Variants in FAM81A observed in about 807,000 individuals in gnomAD.
FAM81A encodes family with sequence similarity 81 member A, also known as protein FAM81A.
In FAM81A, 19 loss-of-function variants were observed where a neutral mutation model predicts 46.7. The observed-to-expected ratio is 0.41, with a 90% CI of 0.28 to 0.60. The LOEUF is 0.60. Among genes scored for constraint, FAM81A ranks in the 20% least tolerant of loss-of-function variants. The pLI is 0.34. For missense variants in FAM81A, 377 were observed against 453.5 expected (o/e 0.83, Z 1.53); for synonymous variants, 183 against 152.9 (o/e 1.20, Z -1.45).
intron 6 of FAM81A, among the ~76,000 whole-genome samples, chr15:59,513,689 C>A (rs764888728): frequency 3.3e-5 from 5 of 151,960 alleles, no homozygotes; most frequent in Non-Finnish European, 7.4e-5. Flanking sequence ...ATTGTTAGAA[C>A]CAGAAATACC....
In FAM81A at chr15:59,414,240, C is replaced by T. The variant is rs115674953; in HGVS notation, c.-78+11882C>T. ...AAGTGCTGGGATTATAGGTGTGAGC[C>T]ACCACACCTGGCCCACATTCTAATT... is the stretch of plus-strand genomic sequence containing the variant. On this transcript the variant is annotated intron_variant, in intron 2 of 4. Transcript: ENST00000558348. Among the ~76,000 whole-genome samples the T allele has an allele frequency of 4.9e-3, 746 of 152,254 alleles. 4 individuals carry two copies. Among genetic ancestry groups the T allele is most frequent in the African/African-American group, 0.017 (699 of 41,552 alleles).
intron 3 of FAM81A, among the ~76,000 whole-genome samples, chr15:59,490,696 C>T (rs1035070417): frequency 6.6e-6 from 1 of 152,026 alleles, no homozygotes; most frequent in South Asian, 2.1e-4. Flanking sequence ...TTTAGCCTGG[C>T]ATGGTGATGC....
chr15:59,417,845 A>G (rs1163834439), intron 2 of FAM81A, among the ~76,000 whole-genome samples: 2 of 152,090 alleles, frequency 1.3e-5, no homozygotes, highest in African/African-American at 2.4e-5. Context: ...ATATGTATAC[A>G]TGTGCCCTGT....
intron 2 of FAM81A, among the ~76,000 whole-genome samples, chr15:59,433,116 T>A (rs1214413048): frequency 9.2e-6 from 1 of 108,602 alleles, no homozygotes; most frequent in Non-Finnish European, 1.7e-5. Context: ...CGCTCCAGCC[T>A]GGGCACAGAG....
rs1457326807 is a variant in FAM81A, at chr15:59,523,462, C to A, written c.*2084C>A. ...TGAGCTGTCGAGCCACAGTGCAGTT[C>A]TCTTCTCACCAAAGCTCAAATGAGA... On this transcript the variant is annotated 3_prime_UTR_variant, in exon 9 of 9. Transcript: ENST00000288228. 1 of 152,224 alleles carries A rather than the reference C, an allele frequency of 6.6e-6. No homozygotes were observed. The highest frequency in any genetic ancestry group is 1.5e-5 in the Non-Finnish European group (1 of 68,042). The allele number at this position is 152,224 out of a possible 1,614,324, so 9.4% of individuals were successfully genotyped here.
intron 4 of FAM81A, among the ~76,000 whole-genome samples, chr15:59,505,968 T>C (rs776247036): frequency 8.5e-5 from 13 of 152,168 alleles, no homozygotes; most frequent in Non-Finnish European, 1.8e-4. Flanking sequence ...TCCCAATATA[T>C]TGTTAGAAAT....
intron 2 of FAM81A, among the ~76,000 whole-genome samples, chr15:59,416,080 A>G (rs915587237): frequency 3.3e-5 from 5 of 152,238 alleles, no homozygotes; most frequent in Non-Finnish European, 1.5e-5. Flanking sequence ...AAAGAGCACT[A>G]TAATGAATCC....
intron 8 of FAM81A, 139 bp downstream of exon 8, chr15:59,516,979 C>G (rs2082274416): frequency 1.2e-6 from 1 of 825,366 alleles, no homozygotes; most frequent in South Asian, 2.2e-5. Context: ...TTCTGAGTAG[C>G]TGTGCTGTAT....
At chr15:59,517,558 G>A (rs1243723843) in intron 8 of FAM81A, among the ~76,000 whole-genome samples, 1 of 152,178 alleles carries the variant, frequency 6.6e-6, no homozygotes, top group Non-Finnish European at 1.5e-5. Flanking sequence ...AGTGTGAGAA[G>A]TGGAACTAAA....
At chr15:59,497,067 C>A (rs954248944) in intron 4 of FAM81A, among the ~76,000 whole-genome samples, 1 of 150,950 alleles carries the variant, frequency 6.6e-6, no homozygotes, top group Non-Finnish European at 1.5e-5. Context: ...TGCAGTGAGC[C>A]GGGATTGTGC....
At chr15:59,439,125 T>C (rs1358676072) in intron 1 of FAM81A, 1 of 152,040 alleles carries the variant, frequency 6.6e-6, no homozygotes, top group Non-Finnish European at 1.5e-5. Context: ...TGTGTGTGTG[T>C]GCGTGTGTGC....
intron 4 of FAM81A, among the ~76,000 whole-genome samples, chr15:59,496,941 C>T (rs1053289105): frequency 1.3e-4 from 20 of 151,862 alleles, no homozygotes; most frequent in African/African-American, 4.8e-4. Context: ...GCCTGGCCAA[C>T]ATGGTGAAAT....
intron 3 of FAM81A, among the ~76,000 whole-genome samples, chr15:59,485,619 A>G (rs1432400354): frequency 1.3e-5 from 2 of 152,204 alleles, no homozygotes; most frequent in African/African-American, 4.8e-5. Flanking sequence ...ATTACTTAAC[A>G]CCCAAGTCCC....
intron 3 of FAM81A, among the ~76,000 whole-genome samples, chr15:59,476,553 A>C (rs1157024963): frequency 6.6e-6 from 1 of 152,154 alleles, no homozygotes; most frequent in Non-Finnish European, 1.5e-5. Flanking sequence ...GGGATCCACA[A>C]GGTGGGTGGA....
rs184894109 is a variant in FAM81A, at chr15:59,404,028, G to A, written c.-78+1670G>A. 2.8e-3 allele frequency among the ~76,000 whole-genome samples: 422 copies of A among 151,900 alleles called. 3 individuals carry two copies. Among genetic ancestry groups the A allele is most frequent in the African/African-American group, 9.5e-3 (394 of 41,466 alleles). ...CCTCTGAGTAGCTGGGACTACAGGC[G>A]TGCGCCACCATAGCTGGCTAGTTTT... On this transcript the variant is annotated intron_variant, in intron 2 of 4. Transcript: ENST00000558348.
chr15:59,400,073 C>A (rs1351693235), intron 1 of FAM81A, among the ~76,000 whole-genome samples: 1 of 152,088 alleles, frequency 6.6e-6, no homozygotes, highest in African/African-American at 2.4e-5. Flanking sequence ...TTTATCGTAA[C>A]TGTTACAGGT....
At chr15:59,485,766 C>CA (rs1464891483) in intron 3 of FAM81A, among the ~76,000 whole-genome samples, 7 of 152,114 alleles carry the variant, frequency 4.6e-5, no homozygotes, top group African/African-American at 1.7e-4. Flanking sequence ...CCCAGAGAGA[C>CA]AAAGATATGT....
At chr15:59,508,609 G>A (rs1289706543) in intron 5 of FAM81A, among the ~76,000 whole-genome samples, 1 of 152,166 alleles carries the variant, frequency 6.6e-6, no homozygotes, top group Non-Finnish European at 1.5e-5. Context: ...AATTGGGCTT[G>A]CTCCTCAGAG....
At chr15:59,438,506 G>A (rs572649584) in intron 1 of FAM81A, 1 of 152,268 alleles carries the variant, frequency 6.6e-6, no homozygotes, top group South Asian at 2.1e-4. Context: ...GCATTTTCGC[G>A]GGGGCTGCAT....
Sources: allele counts gnomAD v4.1 joint callset (sites outside exome capture counted in the v4.1 genomes callset), GRCh38; gene constraint gnomAD v4.1.1; transcripts MANE v1.5; gene names NCBI Gene and HGNC (gene_info 2026-07-23, HGNC 2026-07-21).